Variants in GSG1L observed in about 807,000 individuals in gnomAD.
The protein encoded by GSG1L is GSG1 like, also known as germ cell-specific gene 1-like protein.
In GSG1L, 24 loss-of-function variants were observed where a neutral mutation model predicts 42.1. That is an observed-to-expected ratio of 0.57 (90% CI 0.41 to 0.80). GSG1L has a LOEUF of 0.80. Among genes scored for constraint, GSG1L ranks in the 30% least tolerant of loss-of-function variants. The pLI is 0.00. For missense variants in GSG1L, 445 were observed against 472.2 expected (o/e 0.94, Z 0.53); for synonymous variants, 215 against 203.5 (o/e 1.06, Z -0.48).
intron 1 of GSG1L, among the ~76,000 whole-genome samples, chr16:28,052,587 T>G (rs1311022994): frequency 1.3e-5 from 2 of 152,136 alleles, no homozygotes; most frequent in Non-Finnish European, 2.9e-5. Context: ...TTGACAGCCA[T>G]GGAAAATCAG....
intron 2 of GSG1L, among the ~76,000 whole-genome samples, chr16:27,904,077 C>T (rs1437459838): frequency 6.6e-6 from 1 of 151,992 alleles, no homozygotes; most frequent in African/African-American, 2.4e-5. Flanking sequence ...TGTCTCTCCA[C>T]CTGCCCTAAG....
At chr16:28,038,092 T>C (rs2086060872) in intron 1 of GSG1L, among the ~76,000 whole-genome samples, 1 of 152,212 alleles carries the variant, frequency 6.6e-6, no homozygotes, top group South Asian at 2.1e-4. Flanking sequence ...GTTAAACAAT[T>C]TGCAGTTCCA....
At chr16:28,055,048 T>C (rs2086264210) in intron 1 of GSG1L, among the ~76,000 whole-genome samples, 1 of 152,168 alleles carries the variant, frequency 6.6e-6, no homozygotes, top group Non-Finnish European at 1.5e-5. Flanking sequence ...GGGATTTTAG[T>C]TGGTGGCTCT....
At chr16:28,000,267 A>C (rs1188907875) in intron 1 of GSG1L, among the ~76,000 whole-genome samples, 2 of 152,218 alleles carry the variant, frequency 1.3e-5, no homozygotes, top group Non-Finnish European at 2.9e-5. Flanking sequence ...CAGGGTTCTG[A>C]GATCAGCCTG....
chr16:27,792,180 G>A (rs1356019708), intron 6 of GSG1L, among the ~76,000 whole-genome samples: 1 of 152,036 alleles, frequency 6.6e-6, no homozygotes, highest in South Asian at 2.1e-4. Context: ...CACCCCATTT[G>A]CCTTATATGT....
chr16:27,980,095 A>C (rs2085309538), intron 1 of GSG1L, among the ~76,000 whole-genome samples: 1 of 152,176 alleles, frequency 6.6e-6, no homozygotes, highest in Non-Finnish European at 1.5e-5. Context: ...CAGCCTGAGC[A>C]GGTGGGGGGA....
At chr16:27,981,648 G>T (rs1785355862) in intron 1 of GSG1L, among the ~76,000 whole-genome samples, 1 of 152,292 alleles carries the variant, frequency 6.6e-6, no homozygotes, top group African/African-American at 2.4e-5. Context: ...CCAAAATGCA[G>T]GTCAACTTTC....
At chr16:27,932,609 C>T (rs1057168020) in intron 2 of GSG1L, among the ~76,000 whole-genome samples, 6 of 152,130 alleles carry the variant, frequency 3.9e-5, no homozygotes, top group African/African-American at 1.4e-4. Context: ...GAGAAATCCA[C>T]CCCCATGATC....
intron 2 of GSG1L, among the ~76,000 whole-genome samples, chr16:27,886,076 C>T (rs139183501): frequency 2.3e-3 from 356 of 152,270 alleles, no homozygotes; most frequent in Middle Eastern, 0.02. Flanking sequence ...AGTCAGAGTG[C>T]CATGTCCCTC....
intron 5 of GSG1L, among the ~76,000 whole-genome samples, chr16:27,807,869 C>T (rs146222643): frequency 2.4e-4 from 36 of 152,170 alleles, no homozygotes; most frequent in African/African-American, 7.7e-4. Flanking sequence ...AAATTATTTG[C>T]GAATGGTATA....
chr16:27,847,901 G>A (rs145426548), intron 3 of GSG1L, among the ~76,000 whole-genome samples: 115 of 152,278 alleles, frequency 7.6e-4, no homozygotes, highest in African/African-American at 2.6e-3. Context: ...AGAACCATGA[G>A]CCAATTAAAC....
At chr16:27,888,469 TCTCTCTC>T (rs1329159978) in intron 2 of GSG1L, among the ~76,000 whole-genome samples, 3 of 71,006 alleles carry the variant, frequency 4.2e-5, no homozygotes, top group Admixed American at 2.1e-4. Flanking sequence ...TCTTTCTCTC[TCTCTCTC>T]TCTTTCCTTT....
At chr16:27,888,452 CTTTCTT>C (rs2084063328) in intron 2 of GSG1L, among the ~76,000 whole-genome samples, 1 of 21,530 alleles carries the variant, frequency 4.6e-5, no homozygotes, top group African/African-American at 9.8e-5. Context: ...TTCTTTCTTT[CTTTCTT>C]TCTTTCTCTC....
intron 1 of GSG1L, among the ~76,000 whole-genome samples, chr16:27,966,627 G>A (rs2085137188): frequency 6.6e-6 from 1 of 152,178 alleles, no homozygotes; most frequent in Non-Finnish European, 1.5e-5. Flanking sequence ...CCCCTCTTCA[G>A]TCTTTCCTCC....
chr16:27,857,687 C>A (rs746597124), intron 3 of GSG1L, among the ~76,000 whole-genome samples: 2 of 152,080 alleles, frequency 1.3e-5, no homozygotes, highest in Non-Finnish European at 2.9e-5. Flanking sequence ...AGACACTGGG[C>A]GGACTCCCCC....
chr16:27,815,070 C>T (rs574669175), intron 5 of GSG1L, among the ~76,000 whole-genome samples: 3 of 152,078 alleles, frequency 2.0e-5, no homozygotes, highest in Non-Finnish European at 4.4e-5. Flanking sequence ...GCTAGGATTA[C>T]AGTCATGAGC....
Position 27,938,957 on chromosome 16 carries a change from T to C in GSG1L, c.397+24199A>G, listed in dbSNP as rs1387114783. On this transcript the variant is annotated intron_variant, in intron 2 of 6. Coordinates refer to ENST00000447459, the MANE Select transcript of GSG1L (RefSeq NM_001109763.2). ...ACATGAACAAACATGGACTGTGGCATTGGGACCCTCCGTGAGGATGGATGG... is the reference window on the plus strand; with the variant it reads ...ACATGAACAAACATGGACTGTGGCACTGGGACCCTCCGTGAGGATGGATGG... Among the ~76,000 whole-genome samples the C allele has an allele frequency of 2.6e-5, 4 of 152,074 alleles. No individual in the cohort carries two copies. The East Asian group carries it at 7.7e-4, about 29-fold the overall frequency.
chr16:27,916,004 G>A (rs1373098805), intron 2 of GSG1L, among the ~76,000 whole-genome samples: 1 of 152,166 alleles, frequency 6.6e-6, no homozygotes, highest in Non-Finnish European at 1.5e-5. Flanking sequence ...TGGCTGCCAT[G>A]ACGGGCCACT....
At chr16:27,983,730 G>C (rs2085349649) in intron 1 of GSG1L, among the ~76,000 whole-genome samples, 1 of 152,240 alleles carries the variant, frequency 6.6e-6, no homozygotes, top group East Asian at 1.9e-4. Context: ...TTCTCCAAGA[G>C]CATGCTTTGA....
Sources: gnomAD v4.1 joint callset for allele counts (sites outside exome capture counted in the v4.1 genomes callset) on GRCh38, gnomAD v4.1.1 for gene constraint, MANE v1.5 for transcripts, NCBI Gene and HGNC (gene_info 2026-07-23, HGNC 2026-07-21) for gene names.